Variants in DOCK1 observed in about 807,000 individuals in gnomAD.
DOCK1 encodes dedicator of cytokinesis protein 1.
Under a neutral mutation model 262.7 loss-of-function variants are expected in DOCK1, and 138 were observed. The observed-to-expected ratio is 0.53, with a 90% confidence interval of 0.46 to 0.61. The LOEUF is 0.61. Among genes scored for constraint, DOCK1 ranks in the 20% least tolerant of loss-of-function variants. The probability of loss-of-function intolerance (pLI) is 0.00; values close to 1 mark genes in which losing one functional copy is unlikely to be tolerated. For synonymous variants in DOCK1, 866 were observed against 867.4 expected (o/e 1.00, Z 0.03); for missense variants, 1,908 against 2,370.7 (o/e 0.80, Z 4.05).
chr10:126,915,352 A>G (rs2032340169), intron 1 of DOCK1, among the ~76,000 whole-genome samples: 1 of 145,512 alleles, frequency 6.9e-6, no homozygotes, highest in Middle Eastern at 3.6e-3. Flanking sequence ...TGTCCTATAG[A>G]TTTCAGGATA....
chr10:127,257,304 G>A, intron 28 of DOCK1, 31 bp from the exon 29 acceptor site: 2 of 1,524,038 alleles, frequency 1.3e-6, no homozygotes, highest in Non-Finnish European at 1.8e-6. Context: ...TTCTTTGTGG[G>A]CCATTTCAGT....
At chr10:127,170,891 G>A (rs923557292) in intron 27 of DOCK1, among the ~76,000 whole-genome samples, 5 of 152,202 alleles carry the variant, frequency 3.3e-5, no homozygotes, top group East Asian at 1.9e-4. Context: ...AGCCCGCACT[G>A]CATAAAGCAG....
At chr10:126,969,525 C>T (rs548765549) in intron 1 of DOCK1, among the ~76,000 whole-genome samples, 1 of 152,314 alleles carries the variant, frequency 6.6e-6, no homozygotes, top group East Asian at 1.9e-4. Context: ...TTAACACACA[C>T]ATCTGAAATA....
chr10:127,272,899 G>C (rs1228529024), intron 29 of DOCK1, among the ~76,000 whole-genome samples: 5 of 152,148 alleles, frequency 3.3e-5, no homozygotes, highest in African/African-American at 1.2e-4. Context: ...ACTATCAAGA[G>C]GAACAGCACG....
intron 6 of DOCK1, among the ~76,000 whole-genome samples, chr10:126,994,312 TTTA>T (rs1410901249): frequency 5.3e-5 from 8 of 152,098 alleles, no homozygotes; most frequent in African/African-American, 1.9e-4. Flanking sequence ...TGTTTATTTA[TTTA>T]TTTATTTATT....
chr10:127,355,313 T>C (rs1191028656), intron 32 of DOCK1, among the ~76,000 whole-genome samples: 2 of 152,240 alleles, frequency 1.3e-5, no homozygotes, highest in Non-Finnish European at 2.9e-5. Flanking sequence ...CAATGTGACA[T>C]GTAATTCTTA....
chr10:126,940,335 CT>C (rs2034888937), intron 1 of DOCK1, among the ~76,000 whole-genome samples: 1 of 152,172 alleles, frequency 6.6e-6, no homozygotes, highest in African/African-American at 2.4e-5. Flanking sequence ...TCTGTTTATT[CT>C]TTCAAACCAG....
At chr10:127,025,441 A>G (rs1237639816) in intron 15 of DOCK1, among the ~76,000 whole-genome samples, 1 of 152,038 alleles carries the variant, frequency 6.6e-6, no homozygotes, top group Non-Finnish European at 1.5e-5. Context: ...GGCTAAGAAG[A>G]AAAACGGCAA....
intron 38 of DOCK1, among the ~76,000 whole-genome samples, 174 bp from the exon 39 acceptor site, chr10:127,402,881 G>T (rs1157781515): frequency 6.6e-6 from 1 of 152,224 alleles, no homozygotes; most frequent in Admixed American, 6.5e-5. Flanking sequence ...CGCAGGTCAC[G>T]AGCCAAAAGA....
chr10:126,993,635 C>T (rs909657098), intron 6 of DOCK1, among the ~76,000 whole-genome samples: 1 of 152,226 alleles, frequency 6.6e-6, no homozygotes, highest in Non-Finnish European at 1.5e-5. Context: ...TCTTGAGGCA[C>T]CCTGCTTACA....
intron 7 of DOCK1, chr10:126,997,851 C>A: frequency 1.0e-5 from 5 of 491,862 alleles, no homozygotes; most frequent in Admixed American, 3.3e-5. Context: ...GGATGGACAC[C>A]TGAAAGTTTT....
chr10:127,394,421 C>T (rs2066697234), intron 38 of DOCK1, among the ~76,000 whole-genome samples: 1 of 150,394 alleles, frequency 6.6e-6, no homozygotes, highest in African/African-American at 2.5e-5. Context: ...AGCAAATTTC[C>T]ATTTTTGGTC....
At chr10:126,999,303 G>T in intron 8 of DOCK1, 51 bp from the exon 9 acceptor site, 1 of 1,431,926 alleles carries the variant, frequency 7.0e-7, no homozygotes, top group Non-Finnish European at 9.8e-7. Context: ...TGTACATTTG[G>T]TACCCTGTTA....
At chr10:127,032,408 C>T in intron 18 of DOCK1, 88 bp downstream of exon 18, 5 of 1,386,406 alleles carry the variant, frequency 3.6e-6, no homozygotes, top group Non-Finnish European at 3.8e-6. Flanking sequence ...GAGGTGTGCT[C>T]CGTAGGTGCA....
At chr10:127,352,175 C>T (rs916180169) in intron 31 of DOCK1, among the ~76,000 whole-genome samples, 26 of 128,140 alleles carry the variant, frequency 2.0e-4, no homozygotes, top group African/African-American at 6.6e-4. Flanking sequence ...TGGGGAGCAT[C>T]GGGGAGGGGT....
chr10:126,949,708 C>G (rs1323935848), intron 1 of DOCK1, among the ~76,000 whole-genome samples: 7 of 152,112 alleles, frequency 4.6e-5, no homozygotes, highest in Non-Finnish European at 8.8e-5. Flanking sequence ...AAGTATTACT[C>G]AAGAATATTT....
intron 1 of DOCK1, among the ~76,000 whole-genome samples, chr10:126,912,725 CGG>C (rs1306578430): frequency 1.5e-4 from 4 of 27,354 alleles, no homozygotes; most frequent in African/African-American, 4.3e-4. Context: ...GACTCCATCT[CGG>C]AAAAAAAAAA....
intron 5 of DOCK1, among the ~76,000 whole-genome samples, chr10:126,989,261 G>GT (rs1384298499): frequency 6.6e-6 from 1 of 152,034 alleles, no homozygotes; most frequent in East Asian, 1.9e-4. Context: ...TAGAGGGGGA[G>GT]TTTTTTAAAA....
chr10:127,033,255 C>G (rs184065731), intron 18 of DOCK1, among the ~76,000 whole-genome samples: 19 of 152,296 alleles, frequency 1.2e-4, no homozygotes, highest in African/African-American at 4.6e-4. Context: ...AAGGCACCCC[C>G]TGCTGACTCC....
Sources: gnomAD v4.1 joint callset for allele counts (sites outside exome capture counted in the v4.1 genomes callset) on GRCh38, gnomAD v4.1.1 for gene constraint, MANE v1.5 for transcripts, NCBI Gene and HGNC (gene_info 2026-07-23, HGNC 2026-07-21) for gene names.